The following KSR2 variants were observed in gnomAD, a reference collection of about 807,000 sequenced individuals.
KSR2 encodes kinase suppressor of ras 2.
KSR2 carries 25 observed loss-of-function variants against 107.8 expected under a neutral mutation model. The ratio of observed to expected loss-of-function variants is 0.23; its 90% CI spans 0.17 to 0.32. KSR2 has a LOEUF of 0.32. Among genes scored for constraint, KSR2 ranks in the 10% least tolerant of loss-of-function variants. The pLI, the probability that KSR2 is intolerant of heterozygous loss-of-function variation, is 1.00. For synonymous variants in KSR2, 480 were observed against 507.0 expected (o/e 0.95, Z 0.71); for missense variants, 887 against 1,268.9 (o/e 0.70, Z 4.57).
intron 14 of KSR2, among the ~76,000 whole-genome samples, chr12:117,501,049 A>G (rs1228242065): frequency 6.6e-6 from 1 of 152,260 alleles, no homozygotes; most frequent in African/African-American, 2.4e-5. Flanking sequence ...GGCCAAAAGT[A>G]GCCCAAAGCC....
intron 3 of KSR2, among the ~76,000 whole-genome samples, chr12:117,778,816 TC>T (rs1314377720): frequency 6.6e-6 from 1 of 152,202 alleles, no homozygotes; most frequent in African/African-American, 2.4e-5. Context: ...CGCTCCTAAT[TC>T]CAGAACCCTT....
intron 14 of KSR2, among the ~76,000 whole-genome samples, chr12:117,491,548 A>G (rs1872744954): frequency 6.6e-6 from 1 of 152,136 alleles, no homozygotes; most frequent in South Asian, 2.1e-4. Context: ...TCATGTTGTC[A>G]CACACGATAG....
rs990885664 is a variant in KSR2, at chr12:117,761,020, T to C, written c.977A>G (p.His326Arg). ...CACCGATCGCACTCACTTGGGCGTG[T>C]GGGCCTCGTCCACGCGGTGCCCCAG... is the stretch of plus-strand genomic sequence containing the variant. ...FQLGHRVDEA[H>R]TPKAKKKSKP... The change falls in exon 4 of 20, where the codon CAC becomes CGC. Residue 326 changes from histidine to arginine, a missense_variant. This residue lies in a region of KSR2 where 399 missense variants were observed against 479.5 expected (regional missense o/e 0.83). Coordinates refer to ENST00000339824, the MANE Select transcript of KSR2 (RefSeq NM_173598.6). 9.9e-6 allele frequency: 16 copies of C among 1,613,494 alleles called. No individual in the cohort carries two copies. Among genetic ancestry groups the C allele is most frequent in the Middle Eastern group, 1.7e-4 (1 of 6,044 alleles).
intron 4 of KSR2, among the ~76,000 whole-genome samples, chr12:117,737,130 G>A (rs1311431144): frequency 2.0e-5 from 3 of 152,336 alleles, no homozygotes; most frequent in Non-Finnish European, 2.9e-5. Flanking sequence ...CCTTTGTGGC[G>A]AGAGTATGAC....
chr12:117,476,546 G>C lies in KSR2; in HGVS notation c.2500C>G (p.Pro834Ala). 1 of 1,611,074 alleles carries C rather than the reference G, an allele frequency of 6.2e-7. No individual in the cohort carries two copies. The highest frequency in any genetic ancestry group is 8.5e-7 in the Non-Finnish European group (1 of 1,178,836). ...IQNGWLCHLA[P>A]EIIRQLSPDT... ...GGGGACAGCTGGCGGATGATCTCTG[G>C]TGCCAGGTGGCATAGCCAGCCATTC... The change falls in exon 17 of 20, where the codon CCA becomes GCA. Residue 834 changes from proline (P) to alanine (A), a missense_variant. Pro to Ala is a conservative substitution (Grantham distance 27, BLOSUM62 -1). This residue lies in a region of KSR2 where 308 missense variants were observed against 506.2 expected (regional missense o/e 0.61). Transcript: ENST00000339824.
intron 7 of KSR2, among the ~76,000 whole-genome samples, chr12:117,567,807 C>T (rs1878615153): frequency 6.6e-6 from 1 of 151,528 alleles, no homozygotes; most frequent in African/African-American, 2.4e-5. Context: ...GAAATGACTC[C>T]GTACGCTCCA....
intron 3 of KSR2, among the ~76,000 whole-genome samples, chr12:117,784,270 G>A (rs936057558): frequency 6.6e-6 from 1 of 152,096 alleles, no homozygotes; most frequent in Non-Finnish European, 1.5e-5. Context: ...CCCATACTGT[G>A]TCTCATGGTA....
intron 1 of KSR2, among the ~76,000 whole-genome samples, chr12:117,885,060 AC>A (rs1463195323): frequency 6.6e-6 from 1 of 151,902 alleles, no homozygotes; most frequent in African/African-American, 2.4e-5. Context: ...TACTTCACCC[AC>A]CGGGGCCTCA....
At chr12:117,807,273 C>T (rs931770133) in intron 3 of KSR2, among the ~76,000 whole-genome samples, 1 of 152,186 alleles carries the variant, frequency 6.6e-6, no homozygotes, top group Non-Finnish European at 1.5e-5. Flanking sequence ...CAAATTCCAC[C>T]AACCACCAGG....
chr12:117,957,991 C>CACTTTGTGCAGA (rs1896564239), intron 1 of KSR2, among the ~76,000 whole-genome samples: 1 of 152,160 alleles, frequency 6.6e-6, no homozygotes, highest in East Asian at 1.9e-4. Flanking sequence ...GCCCCCACAC[C>CACTTTGTGCAGA]AGCTAATTTT....
At chr12:117,561,391 G>T (rs73405367) in intron 7 of KSR2, among the ~76,000 whole-genome samples, 2,427 of 152,322 alleles carry the variant, frequency 0.016, 69 homozygotes, top group African/African-American at 0.055. Context: ...GTAATATCCT[G>T]AGTGCTTTAC....
intron 10 of KSR2, among the ~76,000 whole-genome samples, chr12:117,533,817 TCAGGCAA>T (rs1875833716): frequency 6.6e-6 from 1 of 151,956 alleles, no homozygotes; most frequent in African/African-American, 2.4e-5. Context: ...GGGACAGGTG[TCAGGCAA>T]CAGGACACCA....
At chr12:117,688,118 G>A (rs922332823) in intron 4 of KSR2, among the ~76,000 whole-genome samples, 3 of 152,162 alleles carry the variant, frequency 2.0e-5, no homozygotes, top group African/African-American at 2.4e-5. Context: ...GGTGGCTCAC[G>A]CCTGTAATCC....
intron 1 of KSR2, among the ~76,000 whole-genome samples, chr12:117,909,761 A>G (rs200486005): frequency 1.4e-5 from 2 of 144,442 alleles, no homozygotes. Flanking sequence ...AAAAAAAAAA[A>G]GCTGGGCATG....
chr12:117,622,209 A>G (rs1025688073), intron 5 of KSR2, among the ~76,000 whole-genome samples: 20 of 152,028 alleles, frequency 1.3e-4, no homozygotes, highest in African/African-American at 4.6e-4. Context: ...TTGTTTAAGT[A>G]TGGTGGAAAA....
chr12:117,723,390 A>C (rs978770122), intron 4 of KSR2, among the ~76,000 whole-genome samples: 9 of 152,186 alleles, frequency 5.9e-5, no homozygotes, highest in Non-Finnish European at 1.3e-4. Flanking sequence ...TACCTGTATA[A>C]GTCACTGAAT....
intron 19 of KSR2, among the ~76,000 whole-genome samples, chr12:117,468,229 T>C (rs1871254443): frequency 6.6e-6 from 1 of 152,232 alleles, no homozygotes; most frequent in South Asian, 2.1e-4. Context: ...CCTGCTATGT[T>C]GAGAGGCACC....
At chr12:117,638,610 T>C (rs979409210) in intron 5 of KSR2, among the ~76,000 whole-genome samples, 1 of 151,958 alleles carries the variant, frequency 6.6e-6, no homozygotes, top group African/African-American at 2.4e-5. Flanking sequence ...TTTAGGGACA[T>C]GTACATGTGA....
chr12:117,801,622 C>T (rs928311076), intron 3 of KSR2, among the ~76,000 whole-genome samples: 18 of 152,154 alleles, frequency 1.2e-4, no homozygotes, highest in South Asian at 4.2e-4. Flanking sequence ...GGAGGTCCCA[C>T]GCACTTTCAA....
Sources: allele counts gnomAD v4.1 joint callset (sites outside exome capture counted in the v4.1 genomes callset), GRCh38; gene constraint gnomAD v4.1.1; regional missense constraint gnomAD v4.1.1; transcripts MANE v1.5; gene names NCBI Gene and HGNC (gene_info 2026-07-23, HGNC 2026-07-21).